Variants in ZPBP observed in about 807,000 individuals in gnomAD.
ZPBP encodes zona pellucida-binding protein 1.
In ZPBP, 26 loss-of-function variants were observed where a neutral mutation model predicts 44.8. The ratio of observed to expected loss-of-function variants is 0.58; its 90% confidence interval spans 0.43 to 0.81. The LOEUF is 0.81. Among genes scored for constraint, ZPBP ranks in the 30% least tolerant of loss-of-function variants. The probability of loss-of-function intolerance (pLI) is 0.00; values close to 1 mark genes in which losing one functional copy is unlikely to be tolerated. For missense variants in ZPBP, 409 were observed against 434.0 expected (o/e 0.94, Z 0.51); for synonymous variants, 174 against 153.2 (o/e 1.14, Z -1.00).
At chr7:50,050,616 T>C (rs1452352861) in intron 4 of ZPBP, among the ~76,000 whole-genome samples, 1 of 151,536 alleles carries the variant, frequency 6.6e-6, no homozygotes, top group African/African-American at 2.4e-5. Flanking sequence ...AAAAATTAAC[T>C]GAAAATGCAT....
chr7:49,937,888 C>A (rs957781419), intron 7 of ZPBP, among the ~76,000 whole-genome samples: 7 of 152,156 alleles, frequency 4.6e-5, no homozygotes, highest in Non-Finnish European at 1.0e-4. Context: ...GAATCATACA[C>A]TGAAAGTTTT....
At chr7:49,978,870 AT>A (rs1463371679) in intron 7 of ZPBP, among the ~76,000 whole-genome samples, 1 of 152,052 alleles carries the variant, frequency 6.6e-6, no homozygotes, top group African/African-American at 2.4e-5. Flanking sequence ...CTCCTGTAAA[AT>A]AAACAAAAAT....
At chr7:49,886,314 C>T (rs1055292311) in intron 2 of ZPBP, among the ~76,000 whole-genome samples, 6 of 151,468 alleles carry the variant, frequency 4.0e-5, no homozygotes, top group Middle Eastern at 3.4e-3. Flanking sequence ...TATTTGGAAG[C>T]GCAAAATTCA....
chr7:50,042,115 G>C (rs558574792), intron 4 of ZPBP, among the ~76,000 whole-genome samples: 6 of 152,190 alleles, frequency 3.9e-5, no homozygotes, highest in South Asian at 2.1e-4. Flanking sequence ...ATGAAGACAA[G>C]ATTAGAGAAA....
intron 2 of ZPBP, among the ~76,000 whole-genome samples, chr7:50,084,350 CAAA>C (rs35709176): frequency 8.0e-6 from 1 of 124,324 alleles, no homozygotes. Flanking sequence ...GAACATGTAC[CAAA>C]AAAAAAAAAA....
At chr7:49,875,369 C>CA (rs71018432) in intron 2 of ZPBP, among the ~76,000 whole-genome samples, 213 of 19,008 alleles carry the variant, frequency 0.011, 56 homozygotes, top group African/African-American at 0.039. Flanking sequence ...GATTCTGACT[C>CA]AAAAAAAAAA....
intron 2 of ZPBP, among the ~76,000 whole-genome samples, chr7:49,894,307 C>T (rs1245235170): frequency 5.3e-5 from 8 of 152,190 alleles, no homozygotes; most frequent in South Asian, 2.1e-4. Flanking sequence ...TAGATAGCAC[C>T]GCCATGCCCG....
intron 1 of ZPBP, among the ~76,000 whole-genome samples, chr7:50,091,208 T>C (rs754535768): frequency 3.3e-5 from 5 of 152,200 alleles, no homozygotes; most frequent in Non-Finnish European, 5.9e-5. Context: ...TTGTAGATTC[T>C]AGATATAGAT....
intron 1 of ZPBP, among the ~76,000 whole-genome samples, chr7:49,923,945 G>A (rs1025500109): frequency 4.6e-5 from 7 of 152,224 alleles, no homozygotes; most frequent in East Asian, 1.9e-4. Context: ...CCAACATGGC[G>A]AAGCCCCGTC....
chr7:49,974,473 C>A (rs1203043208), intron 7 of ZPBP, among the ~76,000 whole-genome samples: 1 of 151,870 alleles, frequency 6.6e-6, no homozygotes, highest in Non-Finnish European at 1.5e-5. Flanking sequence ...TTTACAGAAA[C>A]TATAATGGTG....
At chr7:49,877,497 T>TATATATATATATAG (rs1791483461) in intron 2 of ZPBP, among the ~76,000 whole-genome samples, 1 of 82,566 alleles carries the variant, frequency 1.2e-5, no homozygotes, top group Non-Finnish European at 2.5e-5. Flanking sequence ...TATATATATA[T>TATATATATATATAG]ATATATATAT....
downstream of ZPBP, among the ~76,000 whole-genome samples, chr7:49,933,389 T>C (rs1354246338): frequency 6.6e-6 from 1 of 152,240 alleles, no homozygotes; most frequent in Non-Finnish European, 1.5e-5. Flanking sequence ...CCTAACTTGC[T>C]TAAACAAAAG....
chr7:49,937,584 T>C lies in ZPBP; in HGVS notation c.1000A>G (p.Ile334Val). 1.2e-6 allele frequency: 2 copies of C among 1,613,962 alleles called. No individual in the cohort carries two copies. The highest frequency in any genetic ancestry group is 1.7e-6 in the Non-Finnish European group (2 of 1,179,876). Residue 334 changes from isoleucine to valine, a missense_variant, in exon 8 of 8, where the codon ATT (isoleucine) becomes GTT (valine). Around this residue, in one of 2 missense-constraint regions of ZPBP, gnomAD observed 42 missense variants for 71.0 expected, o/e 0.59. Transcript: ENST00000046087. ...CTGCTATTGCATTGAAGGCAATGAATTCCATCACGGGGGTTATATGATCCA... is the reference window on the plus strand; with the variant it reads ...CTGCTATTGCATTGAAGGCAATGAACTCCATCACGGGGGTTATATGATCCA... ...SPGSYNPRDG[I>V]HCLQCNSSLV...
intron 1 of ZPBP, among the ~76,000 whole-genome samples, chr7:50,090,483 G>A: frequency 6.6e-6 from 1 of 151,012 alleles, no homozygotes; most frequent in Non-Finnish European, 1.5e-5. Flanking sequence ...GTTTGTGTGT[G>A]TGTGTGTGTA....
chr7:49,843,774 C>T, the ZPBP span, among the ~76,000 whole-genome samples: 1 of 152,192 alleles, frequency 6.6e-6, no homozygotes, highest in Non-Finnish European at 1.5e-5. Context: ...CCCAGCGCTA[C>T]AGGGCATTGT....
rs373274676 is a variant in ZPBP at position 50,035,806 on chromosome 7, G to T, written c.488-4496C>A. ...GTACATTATTAAAATTTAAGAAAAT[G>T]TAAAAATGTAAACCCTCAAAATGTT... On this transcript the variant is annotated intron_variant, in intron 4 of 7. Transcript: ENST00000046087. 1.4e-4 allele frequency among the ~76,000 whole-genome samples: 21 copies of T among 152,154 alleles called. No individual in the cohort carries two copies. In the East Asian group the frequency reaches 1.5e-3, roughly 11 times the overall value.
chr7:50,086,622 A>G (rs1802664916), intron 2 of ZPBP, among the ~76,000 whole-genome samples: 1 of 152,080 alleles, frequency 6.6e-6, no homozygotes, highest in Admixed American at 6.6e-5. Flanking sequence ...AAGAATCTGC[A>G]AACTTGAAGA....
At chr7:49,980,133 T>C (rs1175940859) in intron 7 of ZPBP, among the ~76,000 whole-genome samples, 3 of 108,228 alleles carry the variant, frequency 2.8e-5, no homozygotes, top group African/African-American at 7.6e-5. Context: ...TATAATTATA[T>C]ATTATATTTA....
chr7:49,934,072 TAAG>T (rs1483102498), downstream of ZPBP, among the ~76,000 whole-genome samples: 1 of 143,900 alleles, frequency 6.9e-6, no homozygotes, highest in East Asian at 2.0e-4. Flanking sequence ...AAAAAAGAAC[TAAG>T]AAGTCTAGTA....
Sources: allele counts gnomAD v4.1 joint callset (sites outside exome capture counted in the v4.1 genomes callset), GRCh38; gene constraint gnomAD v4.1.1; regional missense constraint gnomAD v4.1.1; transcripts MANE v1.5; gene names NCBI Gene and HGNC (gene_info 2026-07-23, HGNC 2026-07-21).